Variants in RORA observed in about 807,000 individuals in gnomAD.
RORA encodes the protein RAR related orphan receptor A.
In RORA, 7 loss-of-function variants were observed where a neutral mutation model predicts 69.5. That is an observed-to-expected ratio of 0.10 (90% CI 0.06 to 0.19). The LOEUF is 0.19. Ranked by LOEUF, RORA falls within the 10% of genes least tolerant of loss-of-function variation. The pLI, the probability that RORA is intolerant of heterozygous loss-of-function variation, is 1.00. For synonymous variants in RORA, 261 were observed against 240.8 expected (o/e 1.08, Z -0.78); for missense variants, 457 against 663.0 (o/e 0.69, Z 3.41).
chr15:60,616,870 G>C, intron 2 of RORA, among the ~76,000 whole-genome samples: 1 of 152,218 alleles, frequency 6.6e-6, no homozygotes, highest in East Asian at 1.9e-4. Context: ...CTTGTTCTCA[G>C]ACCAGCCTCA....
At chr15:61,019,484 G>C (rs1895426482) in intron 1 of RORA, among the ~76,000 whole-genome samples, 1 of 152,112 alleles carries the variant, frequency 6.6e-6, no homozygotes, top group Admixed American at 6.5e-5. Flanking sequence ...TTTTAACCAG[G>C]CTTGCACCTC....
At chr15:60,737,942 T>C (rs2071524429) in intron 1 of RORA, among the ~76,000 whole-genome samples, 1 of 152,274 alleles carries the variant, frequency 6.6e-6, no homozygotes, top group Non-Finnish European at 1.5e-5. Flanking sequence ...GAGTAATTAA[T>C]AGGATAACAG....
intron 1 of RORA, among the ~76,000 whole-genome samples, chr15:60,907,122 C>T (rs932539613): frequency 6.6e-6 from 1 of 152,132 alleles, no homozygotes; most frequent in Non-Finnish European, 1.5e-5. Context: ...CAGCCCCCCA[C>T]CAACATTATC....
At chr15:60,616,387 A>G (rs2069245644) in intron 2 of RORA, among the ~76,000 whole-genome samples, 1 of 152,102 alleles carries the variant, frequency 6.6e-6, no homozygotes, top group Non-Finnish European at 1.5e-5. Flanking sequence ...CATCTCCCAC[A>G]CCTGCCAGGC....
chr15:61,158,035 A>AC (rs1190597773), intron 1 of RORA, among the ~76,000 whole-genome samples: 1 of 152,114 alleles, frequency 6.6e-6, no homozygotes, highest in Non-Finnish European at 1.5e-5. Context: ...CCAAAGCCCA[A>AC]CCCCAGCTGC....
chr15:60,563,047 C>T lies in RORA; in HGVS notation c.197-31196G>A, dbSNP rs192185120. On this transcript the variant is annotated intron_variant, in intron 2 of 10. Transcript: ENST00000335670. ...AGTTTGGGCTCAAATAAATGCTATA[C>T]TTAATCATATTTTCTGAATCTTGTT... Among the ~76,000 whole-genome samples the T allele has an allele frequency of 3.9e-5, 6 of 152,290 alleles. No homozygotes were observed. In the East Asian group the frequency reaches 1.2e-3, roughly 29 times the overall value.
chr15:61,217,563 G>C lies in RORA; in HGVS notation c.166+11490C>G, dbSNP rs570593743. ...GAGAACCACCATAAATGCCTGGTCTGAGGTGACCCAGGTATTTCAGTGAGC... is the reference window on the plus strand; with the variant it reads ...GAGAACCACCATAAATGCCTGGTCTCAGGTGACCCAGGTATTTCAGTGAGC... On this transcript the variant is annotated intron_variant, in intron 1 of 10. Transcript: ENST00000335670. Among the ~76,000 whole-genome samples the C allele has an allele frequency of 1.4e-4, 22 of 152,296 alleles. No homozygotes were observed. In the South Asian group the frequency reaches 4.1e-3, roughly 29 times the overall value.
chr15:60,992,723 C>A (rs946987455), intron 1 of RORA, among the ~76,000 whole-genome samples: 1 of 152,140 alleles, frequency 6.6e-6, no homozygotes, highest in African/African-American at 2.4e-5. Context: ...TACAAAGATA[C>A]AAGAGAAGGA....
At chr15:60,796,138 C>T (rs913778635) in intron 1 of RORA, among the ~76,000 whole-genome samples, 3 of 152,214 alleles carry the variant, frequency 2.0e-5, no homozygotes, top group African/African-American at 7.2e-5. Flanking sequence ...GGTTCTGCCA[C>T]GTCTCCTCCT....
At chr15:60,994,964 T>C (rs1894488480) in intron 1 of RORA, among the ~76,000 whole-genome samples, 1 of 151,920 alleles carries the variant, frequency 6.6e-6, no homozygotes, top group Non-Finnish European at 1.5e-5. Context: ...AATCAGGAAG[T>C]GGTATAACAA....
Position 61,221,168 on chromosome 15 carries a change from T to G in RORA, c.166+7885A>C, listed in dbSNP as rs142948643. Among the ~76,000 whole-genome samples the G allele has an allele frequency of 7.9e-3, 1,198 of 152,318 alleles. 9 individuals carry two copies. Among genetic ancestry groups the G allele is most frequent in the Middle Eastern group, 0.02 (6 of 294 alleles). On this transcript the variant is annotated intron_variant, in intron 1 of 10. Coordinates refer to ENST00000335670, the MANE Select transcript of RORA (RefSeq NM_134261.3). ...TTAATCAGGATAAGACAGAAAAAATTACACCATGTGCAGCTTGGCTTCTCA... is the reference window on the plus strand; with the variant it reads ...TTAATCAGGATAAGACAGAAAAAATGACACCATGTGCAGCTTGGCTTCTCA...
intron 1 of RORA, among the ~76,000 whole-genome samples, chr15:60,974,579 T>C (rs936065844): frequency 1.3e-5 from 2 of 152,308 alleles, no homozygotes; most frequent in Non-Finnish European, 1.5e-5. Flanking sequence ...AGCCAAAATA[T>C]ATGAAAAATT....
intron 2 of RORA, among the ~76,000 whole-genome samples, chr15:60,574,877 T>C (rs372659505): frequency 2.0e-4 from 31 of 152,354 alleles, no homozygotes; most frequent in South Asian, 1.2e-3. Flanking sequence ...CTTGCTCTTA[T>C]GCCTATGCCA....
chr15:61,006,272 A>AT (rs145723085), intron 1 of RORA, among the ~76,000 whole-genome samples: 178 of 149,508 alleles, frequency 1.2e-3, no homozygotes, highest in Non-Finnish European at 2.2e-3. Context: ...CGGCCGTAAT[A>AT]TTTTTTTTTT....
chr15:60,849,072 C>T (rs2073297234), intron 1 of RORA: 1 of 152,250 alleles, frequency 6.6e-6, no homozygotes, highest in East Asian at 1.9e-4. Flanking sequence ...ACCCATGCCC[C>T]AGCTCCTCTA....
chr15:60,611,559 C>CA lies in RORA; in HGVS notation c.196+67097dup, dbSNP rs533598270. Among the ~76,000 whole-genome samples the CA allele has an allele frequency of 5.3e-3, 188 of 35,796 alleles. 35 individuals are homozygous for CA. The highest frequency in any genetic ancestry group is 0.012 in the South Asian group (6 of 492). 23.5% of individuals were successfully genotyped at this position (35,796 alleles called of 152,430 possible). A position where few individuals can be genotyped will look rare whatever the true frequency, so the allele number is the denominator to read the frequency against. On this transcript the variant is annotated intron_variant, in intron 2 of 10. Coordinates refer to ENST00000335670, the MANE Select transcript of RORA (RefSeq NM_134261.3). The stretch of plus-strand genomic sequence containing the variant: ...TTACCTCAAACAATCTTGAGTTTTG[C>CA]AAAAAAAAAAAAAAAAAAAAAAAAA...
rs144025029 is a variant in RORA at position 61,029,530 on chromosome 15, C to T, written c.166+199523G>A. 3.8e-3 allele frequency among the ~76,000 whole-genome samples: 573 copies of T among 152,064 alleles called. 3 individuals carry two copies. The highest frequency in any genetic ancestry group is 0.013 in the African/African-American group (539 of 41,470). ...TTCTGGCTAAAGTAAGGAGTACAGA[C>T]GGGAGGGAGTTGGAAAGCTTATGTG... On this transcript the variant is annotated intron_variant, in intron 1 of 10. Transcript: ENST00000335670.
rs185705596 is a variant in RORA, at chr15:61,156,232, T to A, written c.166+72821A>T. Among the ~76,000 whole-genome samples the A allele has an allele frequency of 5.9e-3, 897 of 152,268 alleles. 8 individuals are homozygous for A. Among genetic ancestry groups the A allele is most frequent in the Non-Finnish European group, 8.9e-3 (607 of 68,018 alleles). On this transcript the variant is annotated intron_variant, in intron 1 of 10. Coordinates refer to ENST00000335670, the MANE Select transcript of RORA (RefSeq NM_134261.3). ...AAGGGGGGAAAAGTTTGAAGATATG[T>A]ATTAAGATATGTTAAAATCTGTTCC...
At chr15:60,967,133 C>G (rs537661681) in intron 1 of RORA, among the ~76,000 whole-genome samples, 2 of 152,278 alleles carry the variant, frequency 1.3e-5, no homozygotes, top group African/African-American at 4.8e-5. Context: ...CAAGACACAT[C>G]ATGACTTTAA....
Sources: allele counts gnomAD v4.1 joint callset (sites outside exome capture counted in the v4.1 genomes callset), GRCh38; gene constraint gnomAD v4.1.1; transcripts MANE v1.5; gene names NCBI Gene and HGNC (gene_info 2026-07-23, HGNC 2026-07-21).